Variants in RPS29 observed in about 807,000 individuals in gnomAD.
RPS29 encodes the protein ribosomal protein S29, also known as small ribosomal subunit protein uS14.
For synonymous variants in RPS29, 37 were observed against 26.9 expected (o/e 1.37, Z -1.16); for missense variants, 60 against 75.7 (o/e 0.79, Z 0.77).
At chr14:49,580,820 G>A (rs538245924), downstream of RPS29, among the ~76,000 whole-genome samples, 1 of 152,110 alleles carries the variant, frequency 6.6e-6, no homozygotes, top group African/African-American at 2.4e-5. Context: ...GGGAGGCAGA[G>A]GTTGCAGTGA....
At chr14:49,586,216 C>T (rs1881546985) in intron 1 of RPS29, 69 bp downstream of exon 1, 3 of 1,538,664 alleles carry the variant, frequency 1.9e-6, no homozygotes, top group Non-Finnish European at 2.7e-6. Context: ...GTGGCCTCCT[C>T]TACTTGAGAT....
chr14:49,583,639 C>G lies in RPS29; in HGVS notation c.*28G>C. ...TCATGGTTTTTCATTGAGTAGATGC[C>G]CCGGATAATCCTCTGAAGGAAGAGC... On this transcript the variant is annotated 3_prime_UTR_variant, in exon 3 of 3. Transcript: ENST00000245458. 6.3e-7 allele frequency: 1 copy of G among 1,579,840 alleles called. No individual in the cohort carries two copies.
At position 49,583,636 on chromosome 14, in the gene RPS29, T is replaced by C. The variant is rs1342135844; in HGVS notation, c.*31A>G. The C allele has an allele frequency of 6.3e-7, 1 of 1,580,130 alleles. No individual in the cohort carries two copies. The highest frequency in any genetic ancestry group is 1.4e-5 in the African/African-American group (1 of 72,594). On this transcript the variant is annotated 3_prime_UTR_variant, in exon 3 of 3. Coordinates refer to ENST00000245458, the MANE Select transcript of RPS29 (RefSeq NM_001032.5). Reference sequence around the variant, plus strand: ...TTATCATGGTTTTTCATTGAGTAGATGCCCCGGATAATCCTCTGAAGGAAG... The same window carrying C: ...TTATCATGGTTTTTCATTGAGTAGACGCCCCGGATAATCCTCTGAAGGAAG...
chr14:49,591,052 ATG>A (rs1410351235), upstream of RPS29, among the ~76,000 whole-genome samples: 2 of 152,122 alleles, frequency 1.3e-5, no homozygotes, highest in African/African-American at 4.8e-5. Flanking sequence ...CAATAGTGTT[ATG>A]TGTTTGTCCA....
exon 3 of RPS29, chr14:49,571,545 T>G (rs959085925): frequency 5.9e-5 from 9 of 152,282 alleles, no homozygotes; most frequent in East Asian, 1.9e-4. Context: ...AGAACAACCA[T>G]GTGATTACAT....
chr14:49,598,421 T>C, exon 1 of RPS29: 1 of 699,772 alleles, frequency 1.4e-6, no homozygotes, highest in Non-Finnish European at 2.6e-6. Context: ...AATTATTTGT[T>C]CAGCAGGAAT....
chr14:49,585,345 G>A (rs1394848458), intron 2 of RPS29: 2 of 151,188 alleles, frequency 1.3e-5, no homozygotes, highest in African/African-American at 4.9e-5. Context: ...TCCAGGTTGG[G>A]TGAGTGCGAC....
chr14:49,591,070 A>G (rs998063431), upstream of RPS29, among the ~76,000 whole-genome samples: 1 of 152,168 alleles, frequency 6.6e-6, no homozygotes, highest in African/African-American at 2.4e-5. Context: ...GTCCATATCG[A>G]TTTTAGCAAA....
At chr14:49,584,481 C>T (rs1881446834) in intron 2 of RPS29, among the ~76,000 whole-genome samples, 1 of 152,206 alleles carries the variant, frequency 6.6e-6, no homozygotes, top group East Asian at 1.9e-4. Context: ...CAATTTACAA[C>T]AGACAGGGCG....
At chr14:49,581,786 TGA>T (rs1470491173), downstream of RPS29, among the ~76,000 whole-genome samples, 9 of 151,978 alleles carry the variant, frequency 5.9e-5, no homozygotes, top group Non-Finnish European at 7.4e-5. Flanking sequence ...CCCAACACTT[TGA>T]GAGACCAAGG....
chr14:49,575,821 G>A (rs1881164704), exon 3 of RPS29: 2 of 152,214 alleles, frequency 1.3e-5, no homozygotes, highest in Admixed American at 6.5e-5. Context: ...CTGAATGCCA[G>A]TCTGGGTGAT....
intron 2 of RPS29, among the ~76,000 whole-genome samples, chr14:49,584,966 A>T (rs1355964513): frequency 1.3e-5 from 2 of 152,122 alleles, no homozygotes; most frequent in Admixed American, 6.5e-5. Flanking sequence ...TAGCTTGACT[A>T]AGATGATCAA....
At chr14:49,590,313 T>TA (rs1235574790), upstream of RPS29, among the ~76,000 whole-genome samples, 1 of 151,838 alleles carries the variant, frequency 6.6e-6, no homozygotes, top group Non-Finnish European at 1.5e-5. Flanking sequence ...CGGTCTCCAC[T>TA]AAAAATACAA....
At chr14:49,586,209 G>A (rs556860214) in intron 1 of RPS29, 76 bp downstream of exon 1, 213 of 1,496,686 alleles carry the variant, frequency 1.4e-4, no homozygotes, top group Admixed American at 7.7e-4. Context: ...GCCGCCCGTG[G>A]CCTCCTCTAC....
At chr14:49,591,765 C>T (rs953604238) in intron 1 of RPS29, among the ~76,000 whole-genome samples, 2 of 151,592 alleles carry the variant, frequency 1.3e-5, no homozygotes, top group Non-Finnish European at 2.9e-5. Context: ...GGATTACAGG[C>T]GCCCACCACC....
At chr14:49,579,916 T>C (rs1881288922), downstream of RPS29, among the ~76,000 whole-genome samples, 1 of 152,186 alleles carries the variant, frequency 6.6e-6, no homozygotes, top group Non-Finnish European at 1.5e-5. Flanking sequence ...TTACTTAATC[T>C]CTAAGCCTCA....
At chr14:49,597,215 A>G (rs956444100) in intron 1 of RPS29, among the ~76,000 whole-genome samples, 2 of 151,686 alleles carry the variant, frequency 1.3e-5, no homozygotes, top group African/African-American at 4.8e-5. Flanking sequence ...CGCCCGGCCT[A>G]GTTAATTTTT....
chr14:49,583,492 G>A (rs1302135210), downstream of RPS29: 6 of 606,212 alleles, frequency 9.9e-6, no homozygotes, highest in South Asian at 5.1e-5. Flanking sequence ...GCGACAGAGG[G>A]GGACTCAGTC....
At chr14:49,581,213 G>C (rs1227978227), downstream of RPS29, among the ~76,000 whole-genome samples, 1 of 151,866 alleles carries the variant, frequency 6.6e-6, no homozygotes, top group Non-Finnish European at 1.5e-5. Context: ...AAAAAAAATT[G>C]GCAAAGATAA....
Sources: gnomAD v4.1 joint callset for allele counts (sites outside exome capture counted in the v4.1 genomes callset) on GRCh38, gnomAD v4.1.1 for gene constraint, MANE v1.5 for transcripts, NCBI Gene and HGNC (gene_info 2026-07-23, HGNC 2026-07-21) for gene names.